EIF4EBP2: variants seen among roughly 807,000 people sequenced by gnomAD.
The protein encoded by EIF4EBP2 is eukaryotic translation initiation factor 4E-binding protein 2.
In EIF4EBP2, 5 loss-of-function variants were observed where a neutral mutation model predicts 10.3. The observed-to-expected ratio is 0.48, with a 90% CI of 0.25 to 1.02. The LOEUF is 1.02. Among genes scored for constraint, EIF4EBP2 ranks in the 50% least tolerant of loss-of-function variants. EIF4EBP2 has a pLI of 0.15. For synonymous variants in EIF4EBP2, 67 were observed against 61.1 expected, an observed-to-expected ratio of 1.10 and a Z score of -0.45; for missense variants, 188 against 162.2, an observed-to-expected ratio of 1.16 and a Z score of -0.86.
chr10:70,407,860 AC>A (rs1389932490), intron 1 of EIF4EBP2, among the ~76,000 whole-genome samples: 2 of 85,194 alleles, frequency 2.3e-5, no homozygotes, highest in African/African-American at 4.5e-5. Context: ...CGGGGGGCTG[AC>A]CCCCCACCTC....
rs571411714 is a variant in EIF4EBP2 at position 70,420,569 on chromosome 10, T to G, written c.331+470T>G. On this transcript the variant is annotated intron_variant, in intron 2 of 2. Coordinates refer to ENST00000373218, the MANE Select transcript of EIF4EBP2 (RefSeq NM_004096.5). ...GTTTCCCTCCTCCCCCAAAGGTTTC[T>G]TGAAATACTCTGAAAACCCTGAATT... Among the ~76,000 whole-genome samples, 7 of 152,298 alleles carry G rather than the reference T, an allele frequency of 4.6e-5. 1 individual carries two copies. The South Asian group carries it at 1.4e-3, about 32-fold the overall frequency.
chr10:70,415,196 A>G (rs1041140578), intron 1 of EIF4EBP2, among the ~76,000 whole-genome samples: 1 of 151,972 alleles, frequency 6.6e-6, no homozygotes, highest in Non-Finnish European at 1.5e-5. Context: ...AAGCAATCCC[A>G]TTTACAATAG....
intron 1 of EIF4EBP2, among the ~76,000 whole-genome samples, chr10:70,404,954 A>C (rs142058549): frequency 4.5e-4 from 68 of 151,422 alleles, no homozygotes; most frequent in African/African-American, 1.6e-3. Flanking sequence ...GGGCTTTTTA[A>C]AAAAGAACTT....
At chr10:70,416,790 C>T (rs546591066) in intron 1 of EIF4EBP2, among the ~76,000 whole-genome samples, 1 of 151,600 alleles carries the variant, frequency 6.6e-6, no homozygotes, top group Non-Finnish European at 1.5e-5. Flanking sequence ...TCAGCCTCCC[C>T]AGCAGCTGGG....
intron 1 of EIF4EBP2, among the ~76,000 whole-genome samples, chr10:70,407,453 T>G (rs1004006688): frequency 6.6e-6 from 1 of 151,958 alleles, no homozygotes; most frequent in African/African-American, 2.4e-5. Flanking sequence ...ATCAACAGGA[T>G]CCCAAGGCAG....
chr10:70,421,999 G>C lies in EIF4EBP2; in HGVS notation c.*252G>C. The C allele has an allele frequency of 2.1e-6, 1 of 474,602 alleles. No homozygotes were observed. Among genetic ancestry groups the C allele is most frequent in the Non-Finnish European group, 3.8e-6 (1 of 265,122 alleles). 29.4% of individuals were successfully genotyped at this position (474,602 alleles called of 1,614,324 possible). A position where few individuals can be genotyped will look rare whatever the true frequency, so the allele number is the denominator to read the frequency against. ...TGAAGGCCCTTGCTGTATTTCTGTA[G>C]AGCTAAGCAGCCCTTAGAGGAAAAC... is the stretch of plus-strand genomic sequence containing the variant. On this transcript the variant is annotated 3_prime_UTR_variant, in exon 3 of 3. Coordinates refer to ENST00000373218, the MANE Select transcript of EIF4EBP2 (RefSeq NM_004096.5).
rs1375050697 is a variant in EIF4EBP2, at chr10:70,420,097, T to A, written c.329T>A (p.Val110Asp). The A allele has an allele frequency of 1.3e-6, 2 of 1,599,066 alleles. No individual in the cohort carries two copies. Among genetic ancestry groups the A allele is most frequent in the African/African-American group, 2.7e-5 (2 of 74,104 alleles). ...AACAATCACGACAGGAAACATGCAGTTGGTAAGAGAATGGCGATGTTGGAG... is the reference window on the plus strand; with the variant it reads ...AACAATCACGACAGGAAACATGCAGATGGTAAGAGAATGGCGATGTTGGAG... ...NLNNHDRKHA[V>D]GDDAQFEMDI Residue 110 changes from valine (V) to aspartate (D), a missense_variant and splice_region_variant, in exon 2 of 3, where the codon GTT becomes GAT. Physicochemically the swap from Val to Asp is radical, Grantham distance 152. Transcript: ENST00000373218.
At chr10:70,416,824 C>T (rs1236559837) in intron 1 of EIF4EBP2, among the ~76,000 whole-genome samples, 1 of 151,788 alleles carries the variant, frequency 6.6e-6, no homozygotes, top group East Asian at 1.9e-4. Context: ...AACACCACGC[C>T]TGGCTAATTT....
intron 1 of EIF4EBP2, among the ~76,000 whole-genome samples, chr10:70,417,449 A>G (rs928626855): frequency 4.6e-5 from 7 of 151,832 alleles, no homozygotes; most frequent in African/African-American, 1.7e-4. Context: ...CGAATCAACT[A>G]AAACTATTGA....
At chr10:70,407,449 A>AG (rs1844981663) in intron 1 of EIF4EBP2, among the ~76,000 whole-genome samples, 1 of 152,108 alleles carries the variant, frequency 6.6e-6, no homozygotes, top group Non-Finnish European at 1.5e-5. Context: ...ACAGATCAAC[A>AG]GGATCCCAAG....
intron 1 of EIF4EBP2, among the ~76,000 whole-genome samples, chr10:70,413,814 T>G (rs1040131971): frequency 6.6e-6 from 1 of 152,160 alleles, no homozygotes; most frequent in Non-Finnish European, 1.5e-5. Flanking sequence ...AATGGAAAAT[T>G]GTTTTTTAAT....
chr10:70,407,099 A>G (rs1844973064), intron 1 of EIF4EBP2, among the ~76,000 whole-genome samples: 2 of 147,838 alleles, frequency 1.4e-5, no homozygotes, highest in Non-Finnish European at 3.0e-5. Flanking sequence ...GGGTTTCACC[A>G]TGTTAGCCAG....
At chr10:70,411,656 T>A (rs1017722696) in intron 1 of EIF4EBP2, among the ~76,000 whole-genome samples, 2 of 152,170 alleles carry the variant, frequency 1.3e-5, no homozygotes, top group African/African-American at 2.4e-5. Flanking sequence ...TTTCTCACCA[T>A]GTTTCCCAAG....
At chr10:70,421,028 C>T (rs1374969415) in intron 2 of EIF4EBP2, among the ~76,000 whole-genome samples, 1 of 152,072 alleles carries the variant, frequency 6.6e-6, no homozygotes, top group Non-Finnish European at 1.5e-5. Flanking sequence ...ATCTCCTGAC[C>T]TCGTGATCCG....
At chr10:70,407,206 A>G (rs1844975694) in intron 1 of EIF4EBP2, among the ~76,000 whole-genome samples, 2 of 151,578 alleles carry the variant, frequency 1.3e-5, no homozygotes, top group Non-Finnish European at 2.9e-5. Context: ...AGGGAAGGTC[A>G]GCAGATAAAC....
At chr10:70,421,121 T>C (rs1399850647) in intron 2 of EIF4EBP2, among the ~76,000 whole-genome samples, 6 of 152,158 alleles carry the variant, frequency 3.9e-5, no homozygotes, top group African/African-American at 1.4e-4. Context: ...TGAGTTTCTT[T>C]TATATGGTGT....
At chr10:70,416,881 G>T (rs1845102034) in intron 1 of EIF4EBP2, among the ~76,000 whole-genome samples, 1 of 151,940 alleles carries the variant, frequency 6.6e-6, no homozygotes, top group Non-Finnish European at 1.5e-5. Context: ...TGCCCAGGCT[G>T]GTCTTGAACT....
At chr10:70,408,611 C>G (rs1175011690) in intron 1 of EIF4EBP2, among the ~76,000 whole-genome samples, 1 of 152,146 alleles carries the variant, frequency 6.6e-6, no homozygotes, top group African/African-American at 2.4e-5. Context: ...AATTTTATTT[C>G]CCTCAACCAG....
rs1179955827 is a variant in EIF4EBP2 at position 70,423,139 on chromosome 10, G to T, written c.*1392G>T. 2 of 152,594 alleles carry T rather than the reference G, an allele frequency of 1.3e-5. No individual in the cohort carries two copies. The highest frequency in any genetic ancestry group is 2.9e-5 in the Non-Finnish European group (2 of 68,026). The allele number at this position is 152,594 out of a possible 1,614,324, so 9.5% of individuals were successfully genotyped here. The stretch of plus-strand genomic sequence containing the variant: ...TAAGATGACTACAGACCTATTTTTA[G>T]ATATGTTTTCAGTACAATTTTGAAC... On this transcript the variant is annotated 3_prime_UTR_variant, in exon 3 of 3. Transcript: ENST00000373218.
Sources: allele counts gnomAD v4.1 joint callset (sites outside exome capture counted in the v4.1 genomes callset), GRCh38; gene constraint gnomAD v4.1.1; transcripts MANE v1.5; gene names NCBI Gene and HGNC (gene_info 2026-07-23, HGNC 2026-07-21).